SFRP1: variants seen among roughly 807,000 people sequenced by gnomAD.
SFRP1 encodes secreted frizzled related protein 1.
In SFRP1, 9 loss-of-function variants were observed where a neutral mutation model predicts 25.9. The ratio of observed to expected loss-of-function variants is 0.35; its 90% CI spans 0.21 to 0.61. The LOEUF (loss-of-function observed/expected upper bound fraction) is 0.61, where lower values mean the gene tolerates loss of function less well. SFRP1 is among the 20% of genes least tolerant of loss of function. The pLI is 0.78. For synonymous variants in SFRP1, 178 were observed against 174.0 expected (o/e 1.02, Z -0.18); for missense variants, 346 against 418.2 (o/e 0.83, Z 1.51).
intron 2 of SFRP1, among the ~76,000 whole-genome samples, chr8:41,290,734 C>T (rs10109536): frequency 1.3e-5 from 2 of 151,534 alleles, no homozygotes; most frequent in African/African-American, 4.9e-5. Flanking sequence ...CCCTCTCATA[C>T]GGGACGCGGC....
intron 2 of SFRP1, among the ~76,000 whole-genome samples, chr8:41,282,651 C>T (rs1803650601): frequency 6.6e-6 from 1 of 151,676 alleles, no homozygotes; most frequent in Non-Finnish European, 1.5e-5. Context: ...AACATGGCAA[C>T]CTGTTCCTCT....
intron 2 of SFRP1, among the ~76,000 whole-genome samples, chr8:41,276,765 T>A (rs965460121): frequency 1.3e-5 from 2 of 152,092 alleles, no homozygotes. Flanking sequence ...TGCTCCTGAG[T>A]GGCTCATTTG....
chr8:41,278,638 C>T (rs1045763914), intron 2 of SFRP1, among the ~76,000 whole-genome samples: 2 of 152,242 alleles, frequency 1.3e-5, no homozygotes, highest in Non-Finnish European at 2.9e-5. Context: ...AGGGGCCTTG[C>T]TTGCATGTGC....
chr8:41,294,569 A>G (rs1326622168), intron 2 of SFRP1, among the ~76,000 whole-genome samples: 1 of 152,154 alleles, frequency 6.6e-6, no homozygotes, highest in African/African-American at 2.4e-5. Flanking sequence ...ACTCACAGAC[A>G]TCCTTTCAGA....
chr8:41,271,034 T>G (rs1268131990), intron 2 of SFRP1: 1 of 154,036 alleles, frequency 6.5e-6, no homozygotes, highest in East Asian at 1.9e-4. Context: ...GAGGATTGAG[T>G]GGTTTTTCTC....
chr8:41,297,034 G>A (rs1803852073), intron 2 of SFRP1, among the ~76,000 whole-genome samples: 1 of 152,108 alleles, frequency 6.6e-6, no homozygotes, highest in Non-Finnish European at 1.5e-5. Flanking sequence ...GCATAAAGCA[G>A]TTCTCTTTGT....
At chr8:41,279,453 T>C (rs1254808626) in intron 2 of SFRP1, among the ~76,000 whole-genome samples, 2 of 152,160 alleles carry the variant, frequency 1.3e-5, no homozygotes, top group Admixed American at 6.5e-5. Context: ...AGTTTCTAGA[T>C]GTCTGGGAGC....
At chr8:41,286,816 T>C (rs77800022) in intron 2 of SFRP1, among the ~76,000 whole-genome samples, 1,624 of 152,282 alleles carry the variant, frequency 0.011, 74 homozygotes, top group Admixed American at 0.084. Context: ...CTCCACCTTC[T>C]TCAGAAAGAT....
chr8:41,267,353 T>C (rs55869391), intron 2 of SFRP1, among the ~76,000 whole-genome samples: 43,388 of 151,986 alleles, frequency 0.29, 7,152 homozygotes, highest in Middle Eastern at 0.38. Context: ...ACATGCTCTA[T>C]AAACGAAGCA....
rs1362623161 is a variant in SFRP1, at chr8:41,264,195, G to A, written c.*972C>T. 2.0e-5 allele frequency: 3 copies of A among 152,190 alleles called. No individual in the cohort carries two copies. The highest frequency in any genetic ancestry group is 6.5e-5 in the Admixed American group (1 of 15,278). The allele number at this position is 152,190 out of a possible 1,614,324, so 9.4% of individuals were successfully genotyped here. On this transcript the variant is annotated 3_prime_UTR_variant, in exon 3 of 3. Transcript: ENST00000220772. ...TTAAAACCTTGAAAAATAAGTGGGT[G>A]TTTGTCATTGTTCTTTTAAAAATGT... is the stretch of plus-strand genomic sequence containing the variant.
intron 2 of SFRP1, among the ~76,000 whole-genome samples, chr8:41,290,632 G>A (rs887380345): frequency 1.3e-5 from 2 of 152,152 alleles, no homozygotes; most frequent in Non-Finnish European, 2.9e-5. Flanking sequence ...TGACGGCCAG[G>A]ACAGCTGTGC....
intron 2 of SFRP1, among the ~76,000 whole-genome samples, chr8:41,288,256 G>A (rs1192505072): frequency 6.6e-6 from 1 of 152,030 alleles, no homozygotes; most frequent in East Asian, 1.9e-4. Context: ...TACTCAGGAG[G>A]CTGAGGCAGA....
chr8:41,302,169 A>G (rs1803929451), intron 2 of SFRP1, among the ~76,000 whole-genome samples: 1 of 152,244 alleles, frequency 6.6e-6, no homozygotes, highest in South Asian at 2.1e-4. Flanking sequence ...GTTAATGCAG[A>G]AACAGACAAG....
At chr8:41,298,783 T>A (rs998603005) in intron 2 of SFRP1, among the ~76,000 whole-genome samples, 1 of 152,136 alleles carries the variant, frequency 6.6e-6, no homozygotes, top group Non-Finnish European at 1.5e-5. Flanking sequence ...CCCATAAATA[T>A]GTGCAACTAT....
chr8:41,306,385 C>G (rs187865944), intron 1 of SFRP1, among the ~76,000 whole-genome samples: 1 of 152,128 alleles, frequency 6.6e-6, no homozygotes, highest in Non-Finnish European at 1.5e-5. Context: ...CATACTTATT[C>G]TCATTGGAAA....
At chr8:41,303,985 T>C (rs1803961147) in intron 1 of SFRP1, among the ~76,000 whole-genome samples, 1 of 152,140 alleles carries the variant, frequency 6.6e-6, no homozygotes, top group African/African-American at 2.4e-5. Context: ...CTGATCCCTC[T>C]GACCAGGTCT....
intron 2 of SFRP1, among the ~76,000 whole-genome samples, chr8:41,272,184 C>A (rs767176361): frequency 6.6e-6 from 1 of 152,092 alleles, no homozygotes; most frequent in Non-Finnish European, 1.5e-5. Context: ...ATAATATTTA[C>A]ATAATTCTAA....
chr8:41,304,108 G>A (rs116809706), intron 1 of SFRP1, among the ~76,000 whole-genome samples: 1,867 of 152,160 alleles, frequency 0.012, 37 homozygotes, highest in African/African-American at 0.042. Context: ...GCAGGCGGGC[G>A]GGGTGGGGCA....
chr8:41,266,930 G>A (rs560796879), intron 2 of SFRP1, among the ~76,000 whole-genome samples: 5 of 152,290 alleles, frequency 3.3e-5, no homozygotes, highest in African/African-American at 9.6e-5. Context: ...ACCACAGCAT[G>A]GGAGAAATCA....
Sources: allele counts gnomAD v4.1 joint callset (sites outside exome capture counted in the v4.1 genomes callset), GRCh38; gene constraint gnomAD v4.1.1; transcripts MANE v1.5; gene names NCBI Gene and HGNC (gene_info 2026-07-23, HGNC 2026-07-21).